The following CCT2 variants were observed in gnomAD, a reference collection of about 807,000 sequenced individuals.
CCT2 encodes the protein chaperonin containing TCP1 subunit 2, also known as T-complex protein 1 subunit beta.
In CCT2, 18 loss-of-function variants were observed where a neutral mutation model predicts 61.8. The observed-to-expected ratio is 0.29, with a 90% CI of 0.20 to 0.43. The LOEUF (loss-of-function observed/expected upper bound fraction) is 0.43. CCT2 is among the 20% of genes least tolerant of loss of function. The probability of loss-of-function intolerance (pLI) is 1.00; values close to 1 mark genes in which losing one functional copy is unlikely to be tolerated. For synonymous variants in CCT2, 248 were observed against 215.9 expected, an observed-to-expected ratio of 1.15 and a Z score of -1.30; for missense variants, 556 against 656.9, an observed-to-expected ratio of 0.85 and a Z score of 1.68.
chr12:69,593,183 T>G, intron 9 of CCT2, 80 bp downstream of exon 9: 3 of 1,265,186 alleles, frequency 2.4e-6, no homozygotes, highest in Non-Finnish European at 3.3e-6. Context: ...TTGAATTAGA[T>G]TTTTTACCTA....
chr12:69,586,674 A>C, intron 2 of CCT2, 79 bp from the exon 3 acceptor site: 1 of 1,157,412 alleles, frequency 8.6e-7, no homozygotes, highest in Non-Finnish European at 1.2e-6. Flanking sequence ...CCTCAAAAAA[A>C]AAAAAAAGTA....
At chr12:69,588,825 A>T (rs2135850914) in intron 6 of CCT2, among the ~76,000 whole-genome samples, 1 of 152,360 alleles carries the variant, frequency 6.6e-6, no homozygotes, top group South Asian at 2.1e-4. Context: ...CCATGAAACC[A>T]GTCCCTGGTG....
At chr12:69,587,405 A>G (rs1306803644) in intron 3 of CCT2, 100 bp from the exon 4 acceptor site, 3 of 665,348 alleles carry the variant, frequency 4.5e-6, no homozygotes, top group Non-Finnish European at 7.8e-6. Context: ...ATAGCTATCC[A>G]GAGTGTTTAT....
intron 11 of CCT2, 117 bp downstream of exon 11, chr12:69,597,392 C>T: frequency 7.9e-7 from 1 of 1,265,030 alleles, no homozygotes; most frequent in Non-Finnish European, 1.1e-6. Context: ...TCTTCAGAAG[C>T]ATGATACATA....
Position 69,597,528 on chromosome 12 carries a change from T to C in CCT2, c.1103-110T>C, listed in dbSNP as rs1882025896. On this transcript the variant is annotated intron_variant, in intron 11 of 15. Coordinates refer to ENST00000299300, the MANE Select transcript of CCT2 (RefSeq NM_006431.3). ...GCCTTGATTGTTGGAGAATGTATAA[T>C]ACAGGAAGACAGGTCAGCTTTCAGA... 6 of 1,202,108 alleles carry C rather than the reference T, an allele frequency of 5.0e-6. No homozygotes were observed. The Admixed American group carries it at 1.1e-4, about 22-fold the overall frequency. The allele number at this position is 1,202,108 out of a possible 1,614,324, so 74.5% of individuals were successfully genotyped here. A position where few individuals can be genotyped will look rare whatever the true frequency, so the allele number is the denominator to read the frequency against.
At position 69,585,535 on chromosome 12, in the gene CCT2, C is replaced by T. The variant is rs1881618155; in HGVS notation, c.3+11C>T. On this transcript the variant is annotated intron_variant, in intron 1 of 15. Transcript: ENST00000299300. ...CTCCTCGGAACCATGGTGAGCCTGA[C>T]TCCCCTGCCTCTTGCCCTACCCCTG... 6.4e-7 allele frequency: 1 copy of T among 1,570,554 alleles called. No homozygotes were observed. Among genetic ancestry groups the T allele is most frequent in the East Asian group, 2.3e-5 (1 of 42,694 alleles).
intron 8 of CCT2, 137 bp downstream of exon 8, chr12:69,592,296 A>G: frequency 2.1e-6 from 1 of 484,858 alleles, no homozygotes; most frequent in Non-Finnish European, 3.8e-6. Context: ...ACCAACATGG[A>G]GAAACCCTGT....
At chr12:69,592,492 C>A (rs1323389354) in intron 8 of CCT2, 6 of 159,524 alleles carry the variant, frequency 3.8e-5, no homozygotes, top group East Asian at 1.8e-4. Flanking sequence ...TCAAAAGTCT[C>A]AAAAAAAAAA....
chr12:69,589,178 G>A, intron 6 of CCT2: 2 of 376,344 alleles, frequency 5.3e-6, no homozygotes, highest in Non-Finnish European at 9.9e-6. Context: ...ATCCTCCTCA[G>A]TCTCCCAAAG....
intron 7 of CCT2, among the ~76,000 whole-genome samples, chr12:69,591,413 G>A (rs1463613963): frequency 1.3e-5 from 2 of 152,136 alleles, no homozygotes; most frequent in Non-Finnish European, 2.9e-5. Context: ...AGCAGCAGGG[G>A]CATGATCAGG....
At chr12:69,593,374 T>G in intron 9 of CCT2, 136 bp from the exon 10 acceptor site, 2 of 642,460 alleles carry the variant, frequency 3.1e-6, no homozygotes, top group South Asian at 4.1e-5. Context: ...ACTCTAATTA[T>G]ATAGGTAAGA....
In CCT2 at chr12:69,599,987, C is replaced by T. The variant is rs11324; in HGVS notation, c.1560C>T (p.Ile520=). 1 of 1,611,662 alleles carries T rather than the reference C, an allele frequency of 6.2e-7. No individual in the cohort carries two copies. Among genetic ancestry groups the T allele is most frequent in the African/African-American group, 1.3e-5 (1 of 74,826 alleles). The change falls in exon 15 of 16, where the codon ATC becomes ATT. Residue 520 remains isoleucine (I), a synonymous_variant. Coordinates refer to ENST00000299300, the MANE Select transcript of CCT2 (RefSeq NM_006431.3). ...AAEVILRVDN[I]IKAAPRKRVP... ...AGGTGATTCTGCGTGTGGACAACATCATCAAAGCGGCACCCAGGTACCCTA... is the reference window on the plus strand; with the variant it reads ...AGGTGATTCTGCGTGTGGACAACATTATCAAAGCGGCACCCAGGTACCCTA...
At chr12:69,600,608 G>C (rs1309295102) in intron 15 of CCT2, among the ~76,000 whole-genome samples, 1 of 151,440 alleles carries the variant, frequency 6.6e-6, no homozygotes, top group African/African-American at 2.4e-5. Flanking sequence ...TTTCAGATCA[G>C]TGCCCTGTGA....
Position 69,585,478 on chromosome 12 carries a change from C to T in CCT2, c.-44C>T. ...TCCTTCAGTCCGCTGGTCCCGAGCA[C>T]GAGCTGTGAGGGGATTCACTTGTGT... On this transcript the variant is annotated 5_prime_UTR_variant, in exon 1 of 16. The change creates a new upstream start codon in the 5' untranslated region. Coordinates refer to ENST00000299300, the MANE Select transcript of CCT2 (RefSeq NM_006431.3). 5 of 1,556,426 alleles carry T rather than the reference C, an allele frequency of 3.2e-6. No individual in the cohort carries two copies. The highest frequency in any genetic ancestry group is 1.2e-5 in the South Asian group (1 of 84,412).
At chr12:69,599,190 G>A (rs1252841788) in intron 14 of CCT2, among the ~76,000 whole-genome samples, 1 of 152,082 alleles carries the variant, frequency 6.6e-6, no homozygotes, top group East Asian at 1.9e-4. Flanking sequence ...GGCTCAAGCA[G>A]TTCTCCTTCC....
rs374499372 is a variant in CCT2 at position 69,585,778 on chromosome 12, T to C, written c.3+254T>C. ...CTTTGCATAGTCCCGGCAGCCCAGG[T>C]CCGCGCCTCACCCGGAGCGAAGAAA... On this transcript the variant is annotated intron_variant, in intron 1 of 15. Coordinates refer to ENST00000299300, the MANE Select transcript of CCT2 (RefSeq NM_006431.3). 6 of 1,394,220 alleles carry C rather than the reference T, an allele frequency of 4.3e-6. No homozygotes were observed. The East Asian group carries it at 1.1e-4, about 25-fold the overall frequency. The allele number at this position is 1,394,220 out of a possible 1,614,324, so 86.4% of individuals were successfully genotyped here. A position where few individuals can be genotyped will look rare whatever the true frequency, so the allele number is the denominator to read the frequency against.
chr12:69,597,378 T>C, intron 11 of CCT2, 103 bp downstream of exon 11: 1 of 1,369,952 alleles, frequency 7.3e-7, no homozygotes, highest in Non-Finnish European at 1.0e-6. Flanking sequence ...TTACAAGTCT[T>C]AACTCTTCAG....
At position 69,589,255 on chromosome 12, in the gene CCT2, T is replaced by C. The variant is rs553150915; in HGVS notation, c.447-230T>C. The C allele has an allele frequency of 2.6e-5, 14 of 530,860 alleles. No individual in the cohort carries two copies. In the African/African-American group the frequency reaches 2.7e-4, roughly 10 times the overall value. The allele number at this position is 530,860 out of a possible 1,614,324, so 32.9% of individuals were successfully genotyped here. On this transcript the variant is annotated intron_variant, in intron 6 of 15. Coordinates refer to ENST00000299300, the MANE Select transcript of CCT2 (RefSeq NM_006431.3). Reference sequence around the variant, plus strand: ...TCACATTCTTGCCAACATTAGACTTTTGCATGCTTGTGTGGCCCCCACCCC... The same window carrying C: ...TCACATTCTTGCCAACATTAGACTTCTGCATGCTTGTGTGGCCCCCACCCC...
Position 69,586,354 on chromosome 12 carries a change from G to C in CCT2, c.78+10G>C, listed in dbSNP as rs1332962359. The C allele has an allele frequency of 3.2e-5, 51 of 1,595,822 alleles. No individual in the cohort carries two copies. Among genetic ancestry groups the C allele is most frequent in the Non-Finnish European group, 4.3e-5 (50 of 1,163,774 alleles). ...AGAGACAGCTCGTCTGGTAAGCCTTGTTCTAAGCATTGTTTTAAAGATAAA... is the reference window on the plus strand; with the variant it reads ...AGAGACAGCTCGTCTGGTAAGCCTTCTTCTAAGCATTGTTTTAAAGATAAA... On this transcript the variant is annotated intron_variant, in intron 2 of 15. Transcript: ENST00000299300.
Sources: gnomAD v4.1 joint callset for allele counts (sites outside exome capture counted in the v4.1 genomes callset) on GRCh38, gnomAD v4.1.1 for gene constraint, MANE v1.5 for transcripts, NCBI Gene and HGNC (gene_info 2026-07-23, HGNC 2026-07-21) for gene names.